Variants in PAAF1 observed in about 807,000 individuals in gnomAD.
PAAF1 encodes the protein proteasomal ATPase associated factor 1, also known as proteasomal ATPase-associated factor 1.
Under a neutral mutation model 52.8 loss-of-function variants are expected in PAAF1, and 46 were observed. The observed-to-expected ratio is 0.87, with a 90% CI of 0.69 to 1.11. PAAF1 has a LOEUF of 1.11. Among genes scored for constraint, PAAF1 ranks in the 50% most tolerant of loss-of-function variants. The probability of loss-of-function intolerance (pLI) is 0.00; values close to 1 mark genes in which losing one functional copy is unlikely to be tolerated. For synonymous variants in PAAF1, 178 were observed against 172.8 expected (o/e 1.03, Z -0.24); for missense variants, 424 against 477.4 (o/e 0.89, Z 1.04).
At chr11:73,925,379 T>C (rs1004087909) in intron 11 of PAAF1, among the ~76,000 whole-genome samples, 2 of 151,646 alleles carry the variant, frequency 1.3e-5, no homozygotes, top group Non-Finnish European at 2.9e-5. Context: ...GATGGGACGA[T>C]TGCTTGGGCC....
intron 7 of PAAF1, 40 bp downstream of exon 7, chr11:73,909,633 AG>A (rs772419613): frequency 2.0e-5 from 32 of 1,584,998 alleles, no homozygotes; most frequent in Admixed American, 8.4e-5. Context: ...TTATTTTCTT[AG>A]GCCCCCTTCA....
At chr11:73,909,268 A>G (rs1052627664) in intron 6 of PAAF1, 131 bp from the exon 7 acceptor site, 5 of 707,392 alleles carry the variant, frequency 7.1e-6, no homozygotes, top group Admixed American at 5.7e-5. Flanking sequence ...GCACTTGAAC[A>G]TGGCCAGCAT....
At chr11:73,893,611 C>T (rs1286575160) in intron 4 of PAAF1, among the ~76,000 whole-genome samples, 1 of 150,790 alleles carries the variant, frequency 6.6e-6, no homozygotes, top group East Asian at 2.0e-4. Context: ...GTGGCGTGCA[C>T]CTATAATCCC....
intron 2 of PAAF1, among the ~76,000 whole-genome samples, chr11:73,883,705 C>G (rs76708424): frequency 1.3e-5 from 2 of 151,756 alleles, no homozygotes; most frequent in African/African-American, 4.8e-5. Context: ...TCAGTAGAGA[C>G]GAACGAGGTT....
intron 4 of PAAF1, among the ~76,000 whole-genome samples, chr11:73,895,406 A>G (rs35976844): frequency 0.057 from 8,658 of 152,338 alleles, 277 homozygotes; most frequent in Middle Eastern, 0.11. Flanking sequence ...CACCTGTATC[A>G]GGACAGAACC....
At chr11:73,894,363 G>A (rs1949287746) in intron 4 of PAAF1, among the ~76,000 whole-genome samples, 2 of 152,128 alleles carry the variant, frequency 1.3e-5, no homozygotes, top group Non-Finnish European at 2.9e-5. Flanking sequence ...AAATAGGCTG[G>A]TTGTAGTGGC....
intron 10 of PAAF1, among the ~76,000 whole-genome samples, chr11:73,922,642 C>A (rs1230824788): frequency 6.6e-6 from 1 of 151,806 alleles, no homozygotes; most frequent in Non-Finnish European, 1.5e-5. Context: ...ATGGTGAAAC[C>A]CCGTCTCTAC....
chr11:73,897,429 G>A lies in PAAF1; in HGVS notation c.283-1717G>A, dbSNP rs1273533135. ...CGGAGGGGCTCCTCACTTCTCAGAC[G>A]GGGCGGTTGCCAGGCAGAGGGTCTC... On this transcript the variant is annotated intron_variant, in intron 4 of 11. Transcript: ENST00000310571. Among the ~76,000 whole-genome samples, 217 of 151,114 alleles carry A rather than the reference G, an allele frequency of 1.4e-3. 1 individual carries two copies. Among genetic ancestry groups the A allele is most frequent in the Non-Finnish European group, 3.4e-4 (23 of 67,718 alleles).
chr11:73,900,363 A>G lies in PAAF1; in HGVS notation c.475A>G (p.Lys159Glu). Residue 159 changes from lysine to glutamate, a missense_variant, in exon 6 of 12, where the codon AAG (lysine) becomes GAG (glutamate). Lys to Glu is a moderately conservative substitution (Grantham distance 56). Transcript: ENST00000310571. ...VLSGGMDAQL[K>E]IWSAEDASCV... is the part of the protein sequence containing the mutation. ...GAGTGGGGGAATGGATGCCCAGCTG[A>G]AGATATGGTCAGCTGAAGATGCTAG... 1.2e-6 allele frequency: 2 copies of G among 1,612,746 alleles called. No individual in the cohort carries two copies. Among genetic ancestry groups the G allele is most frequent in the Non-Finnish European group, 1.7e-6 (2 of 1,179,012 alleles).
intron 7 of PAAF1, among the ~76,000 whole-genome samples, chr11:73,912,796 T>G (rs1949967004): frequency 3.9e-5 from 6 of 152,236 alleles, no homozygotes; most frequent in Admixed American, 3.3e-4. Flanking sequence ...CATACCACCC[T>G]CTGCCATGTT....
At chr11:73,924,192 C>T (rs552882521) in intron 10 of PAAF1, among the ~76,000 whole-genome samples, 3 of 152,284 alleles carry the variant, frequency 2.0e-5, no homozygotes, top group East Asian at 1.9e-4. Flanking sequence ...TGGTGGCTCA[C>T]GCTTGTAATC....
At chr11:73,912,562 A>G (rs1949961885) in intron 7 of PAAF1, among the ~76,000 whole-genome samples, 1 of 151,898 alleles carries the variant, frequency 6.6e-6, no homozygotes, top group African/African-American at 2.4e-5. Context: ...GGTCCAAACT[A>G]TCATCATCTA....
intron 10 of PAAF1, among the ~76,000 whole-genome samples, chr11:73,919,431 C>T (rs900951916): frequency 2.0e-5 from 3 of 152,112 alleles, no homozygotes; most frequent in African/African-American, 7.2e-5. Flanking sequence ...GCAAGGTCTT[C>T]GTGAACTACG....
At chr11:73,909,900 C>T (rs1172204391) in intron 7 of PAAF1, among the ~76,000 whole-genome samples, 2 of 151,966 alleles carry the variant, frequency 1.3e-5, no homozygotes, top group African/African-American at 4.8e-5. Flanking sequence ...TTGTCTTGGG[C>T]CACACATAAA....
chr11:73,898,053 CG>C (rs1470749681), intron 4 of PAAF1, among the ~76,000 whole-genome samples: 1 of 152,130 alleles, frequency 6.6e-6, no homozygotes, highest in African/African-American at 2.4e-5. Flanking sequence ...CGTGGCGGCG[CG>C]CGCCTGCAAT....
At position 73,914,778 on chromosome 11, in the gene PAAF1, G is replaced by A. The variant is rs537273780; in HGVS notation, c.819+274G>A. Reference sequence around the variant, plus strand: ...AGTGCAGTGGCGCAATCTCGGTTCAGCTCACTGCAACCTCCACCTCCTAGG... The same window carrying A: ...AGTGCAGTGGCGCAATCTCGGTTCAACTCACTGCAACCTCCACCTCCTAGG... On this transcript the variant is annotated intron_variant, in intron 8 of 11. Coordinates refer to ENST00000310571, the MANE Select transcript of PAAF1 (RefSeq NM_025155.3). Among the ~76,000 whole-genome samples, 3 of 149,304 alleles carry A rather than the reference G, an allele frequency of 2.0e-5. No individual in the cohort carries two copies. In the East Asian group the frequency reaches 5.9e-4, roughly 29 times the overall value.
At chr11:73,880,836 TAA>T (rs922340066) in intron 2 of PAAF1, 16 of 148,766 alleles carry the variant, frequency 1.1e-4, no homozygotes, top group African/African-American at 3.7e-4. Context: ...CTGTTTCTAC[TAA>T]AAATACAAAA....
rs1950393761 is a variant in PAAF1, at chr11:73,927,429, C to T, written c.*67C>T. The T allele has an allele frequency of 1.5e-6, 2 of 1,303,422 alleles. No individual in the cohort carries two copies. Among genetic ancestry groups the T allele is most frequent in the Non-Finnish European group, 2.2e-6 (2 of 904,042 alleles). The allele number at this position is 1,303,422 out of a possible 1,614,324, so 80.7% of individuals were successfully genotyped here. Reference sequence around the variant, plus strand: ...CCTGATCAACAATGAGCAGAAACATCATCAGTCCTTCCCAAGGACCATGGC... The same window carrying T: ...CCTGATCAACAATGAGCAGAAACATTATCAGTCCTTCCCAAGGACCATGGC... On this transcript the variant is annotated 3_prime_UTR_variant, in exon 12 of 12. Coordinates refer to ENST00000310571, the MANE Select transcript of PAAF1 (RefSeq NM_025155.3).
In PAAF1 at chr11:73,924,596, TTTTC is replaced by T; in HGVS notation, c.1019-13_1019-10del. The T allele has an allele frequency of 1.2e-6, 2 of 1,605,968 alleles. No homozygotes were observed. The highest frequency in any genetic ancestry group is 1.7e-6 in the Non-Finnish European group (2 of 1,172,868). On this transcript the variant is annotated splice_polypyrimidine_tract_variant and intron_variant, in intron 10 of 11. Transcript: ENST00000310571. ...TGCAGTTTTCTCTTAGTTATATGAA[TTTTC>T]TTTCTGCCTTTCAGGTGATGGAAGC... is the stretch of plus-strand genomic sequence containing the variant.
Sources: allele counts gnomAD v4.1 joint callset (sites outside exome capture counted in the v4.1 genomes callset), GRCh38; gene constraint gnomAD v4.1.1; transcripts MANE v1.5; gene names NCBI Gene and HGNC (gene_info 2026-07-23, HGNC 2026-07-21).